MAPT: variants seen among roughly 807,000 people sequenced by gnomAD.
The protein encoded by MAPT is microtubule associated protein tau, also known as microtubule-associated protein tau.
A neutral mutation model predicts 67.9 loss-of-function variants in MAPT; 34 were observed. The ratio of observed to expected loss-of-function variants is 0.50; its 90% CI spans 0.38 to 0.67. The LOEUF is 0.67. Among genes scored for constraint, MAPT ranks in the 30% least tolerant of loss-of-function variants. MAPT has a pLI of 0.00. For synonymous variants in MAPT, 456 were observed against 464.5 expected, an observed-to-expected ratio of 0.98 and a Z score of 0.23; for missense variants, 881 against 1,115.2, an observed-to-expected ratio of 0.79 and a Z score of 2.99.
At chr17:45,958,797 T>A (rs1049768565) in intron 1 of MAPT, among the ~76,000 whole-genome samples, 2 of 151,676 alleles carry the variant, frequency 1.3e-5, no homozygotes, top group Non-Finnish European at 2.9e-5. Context: ...GCGCAGTGGC[T>A]CACACCTTTA....
rs769218427 is a variant in MAPT at position 45,996,682 on chromosome 17, C to A, written c.1998+18C>A. The A allele has an allele frequency of 1.9e-5, 31 of 1,611,852 alleles. No homozygotes were observed. Among genetic ancestry groups the A allele is most frequent in the Non-Finnish European group, 2.6e-5 (31 of 1,179,022 alleles). On this transcript the variant is annotated intron_variant, in intron 9 of 12. Transcript: ENST00000262410. This position sits in a 1 kb window ranked among gnomAD's most constrained non-coding sequence, Gnocchi z 4.5. ...GCGGGAAGGTGAGAGTGGCTGGCTG[C>A]GCGTGGAGGTGTGGGGGGCTGCGCC...
rs375359117 is a variant in MAPT, at chr17:45,989,986, G to A, written c.1516G>A (p.Val506Met). The A allele has an allele frequency of 3.1e-6, 5 of 1,614,044 alleles. No individual in the cohort carries two copies. The African/African-American group carries it at 4.0e-5, about 13-fold the overall frequency. Reference protein sequence around the residue: ...DPLIQPSSPAVCPEPPSSPKY... With the variant: ...DPLIQPSSPAMCPEPPSSPKY... Reference sequence around the variant, plus strand: ...TCTGATCCAACCCTCCAGCCCTGCTGTGTGCCCAGAGCCACCTTCCTCTCC... The same window carrying A: ...TCTGATCCAACCCTCCAGCCCTGCTATGTGCCCAGAGCCACCTTCCTCTCC... The change falls in exon 7 of 13, where the codon GTG becomes ATG. Residue 506 changes from valine (V) to methionine (M), a missense_variant. Transcript: ENST00000262410.
intron 1 of MAPT, among the ~76,000 whole-genome samples, chr17:45,928,002 GAA>G (rs35954789): frequency 0.15 from 8,239 of 54,548 alleles, 314 homozygotes; most frequent in Non-Finnish European, 0.19. Flanking sequence ...TCCGTCTCAG[GAA>G]AAAAAAAAAA....
intron 5 of MAPT, among the ~76,000 whole-genome samples, chr17:45,984,829 A>T (rs2073376395): frequency 6.6e-6 from 1 of 152,210 alleles, no homozygotes; most frequent in Non-Finnish European, 1.5e-5. Flanking sequence ...GTCCCACAGG[A>T]GACCTCAGAG....
At chr17:45,981,694 C>T (rs138241284) in intron 4 of MAPT, among the ~76,000 whole-genome samples, 4 of 152,104 alleles carry the variant, frequency 2.6e-5, no homozygotes, top group East Asian at 1.9e-4. Context: ...GGGCTTGAGG[C>T]GGGGTTTGTG....
chr17:45,999,671 G>T, intron 9 of MAPT: 3 of 1,583,522 alleles, frequency 1.9e-6, no homozygotes, highest in Non-Finnish European at 2.6e-6. Context: ...GTGTAGAAAG[G>T]GGCAGATGGG....
intron 6 of MAPT, 149 bp downstream of exon 6, chr17:45,987,244 C>G (rs572018577): frequency 4.6e-5 from 36 of 788,808 alleles, no homozygotes; most frequent in Admixed American, 3.7e-4. Context: ...TTGGGGCAGG[C>G]TTTTAAAAAG....
At chr17:45,981,533 A>C (rs1002696656) in intron 4 of MAPT, among the ~76,000 whole-genome samples, 1 of 152,124 alleles carries the variant, frequency 6.6e-6, no homozygotes, top group East Asian at 1.9e-4. Context: ...ACGGGGGCCT[A>C]CCTCACCTGT....
At chr17:46,011,423 A>C (rs1189513711) in intron 10 of MAPT, among the ~76,000 whole-genome samples, 2 of 152,214 alleles carry the variant, frequency 1.3e-5, no homozygotes, top group African/African-American at 4.8e-5. Flanking sequence ...TAATTTTAAA[A>C]TAAATAGATT....
chr17:45,963,070 A>C (rs2070633870), intron 2 of MAPT, among the ~76,000 whole-genome samples: 2 of 152,220 alleles, frequency 1.3e-5, no homozygotes, highest in Admixed American at 1.3e-4. Flanking sequence ...TAGCTTATAA[A>C]TCAGTGGTAT....
At chr17:45,968,186 A>G (rs939788472) in intron 2 of MAPT, among the ~76,000 whole-genome samples, 8 of 149,124 alleles carry the variant, frequency 5.4e-5, no homozygotes, top group Non-Finnish European at 1.0e-4. Context: ...ACAGCCAGAA[A>G]AACAAAACAA....
At chr17:45,905,957 T>C (rs2064278528) in intron 1 of MAPT, among the ~76,000 whole-genome samples, 2 of 152,190 alleles carry the variant, frequency 1.3e-5, no homozygotes. Context: ...CCTGAAATAG[T>C]ATAGCTGCTG....
chr17:46,003,333 C>T (rs1421043528), intron 9 of MAPT, among the ~76,000 whole-genome samples: 1 of 152,028 alleles, frequency 6.6e-6, no homozygotes. Context: ...GGCTGGAGTG[C>T]AGTGGTGCAA....
intron 3 of MAPT, chr17:45,976,124 T>C (rs2072317572): frequency 6.6e-6 from 1 of 152,288 alleles, no homozygotes; most frequent in African/African-American, 2.4e-5. Context: ...CCATGCACTC[T>C]GACCTGTGCC....
chr17:45,980,102 T>A (rs2072789285), intron 4 of MAPT: 1 of 152,268 alleles, frequency 6.6e-6, no homozygotes, highest in Non-Finnish European at 1.5e-5. Context: ...CCTGGACTAC[T>A]GTGTTTACAA....
At chr17:45,965,897 T>C (rs2071029781) in intron 2 of MAPT, among the ~76,000 whole-genome samples, 1 of 152,144 alleles carries the variant, frequency 6.6e-6, no homozygotes, top group African/African-American at 2.4e-5. Flanking sequence ...GTGGATGACG[T>C]CCGCTTCACA....
intron 1 of MAPT, among the ~76,000 whole-genome samples, chr17:45,953,422 C>T (rs73984648): frequency 1.4e-3 from 207 of 152,318 alleles, no homozygotes; most frequent in African/African-American, 4.9e-3. Context: ...CTCTTGCAAC[C>T]GAGTCTAATC....
At chr17:45,999,730 A>G in intron 9 of MAPT, 1 of 1,356,344 alleles carries the variant, frequency 7.4e-7, no homozygotes, top group Non-Finnish European at 1.0e-6. Flanking sequence ...GCACGTCCAA[A>G]TCTACTAAAG....
rs184234860 is a variant in MAPT at position 45,993,759 on chromosome 17, G to A, written c.1732+2173G>A. On this transcript the variant is annotated intron_variant, in intron 8 of 12. Coordinates refer to ENST00000262410, the MANE Select transcript of MAPT (RefSeq NM_001377265.1). ...TCCCTTTGGGTCTTACCTGCTCTTC[G>A]GTGGCTGCCTGCAGGTGGAGAGACC... 9.5e-4 allele frequency among the ~76,000 whole-genome samples: 145 copies of A among 152,298 alleles called. 1 individual carries two copies. The highest frequency in any genetic ancestry group is 1.1e-3 in the African/African-American group (44 of 41,568).
Sources: gnomAD v4.1 joint callset for allele counts (sites outside exome capture counted in the v4.1 genomes callset) on GRCh38, gnomAD v4.1.1 for gene constraint, Gnocchi (gnomAD v3.1) non-coding constraint, MANE v1.5 for transcripts, NCBI Gene and HGNC (gene_info 2026-07-23, HGNC 2026-07-21) for gene names.